ACTR2: variants seen among roughly 807,000 people sequenced by gnomAD.
The protein encoded by ACTR2 is actin-related protein 2.
ACTR2 carries 5 observed loss-of-function variants against 50.2 expected under a neutral mutation model. The ratio of observed to expected loss-of-function variants is 0.10; its 90% CI spans 0.05 to 0.21. The LOEUF (loss-of-function observed/expected upper bound fraction) is 0.21. Ranked by LOEUF, ACTR2 falls within the 10% of genes least tolerant of loss-of-function variation. The pLI is 1.00. For synonymous variants in ACTR2, 140 were observed against 162.9 expected, an observed-to-expected ratio of 0.86 and a Z score of 1.07; for missense variants, 180 against 480.6, an observed-to-expected ratio of 0.37 and a Z score of 5.85.
intron 1 of ACTR2, among the ~76,000 whole-genome samples, chr2:65,237,613 G>C (rs569651678): frequency 6.6e-6 from 1 of 152,292 alleles, no homozygotes; most frequent in South Asian, 2.1e-4. Context: ...CAACTCAGGA[G>C]GCTGAGACAG....
chr2:65,232,267 A>C (rs970431229), intron 1 of ACTR2, among the ~76,000 whole-genome samples: 1 of 152,200 alleles, frequency 6.6e-6, no homozygotes, highest in African/African-American at 2.4e-5. Flanking sequence ...GATCACCAAC[A>C]AAATGAAGGT....
At chr2:65,261,108 C>CA in intron 6 of ACTR2, 139 bp from the exon 7 acceptor site, 1 of 808,642 alleles carries the variant, frequency 1.2e-6, no homozygotes, top group Non-Finnish European at 1.9e-6. Flanking sequence ...TTTTTTTCCC[C>CA]AAATATATTT....
At chr2:65,264,616 C>T (rs1672339583) in intron 7 of ACTR2, among the ~76,000 whole-genome samples, 1 of 151,744 alleles carries the variant, frequency 6.6e-6, no homozygotes, top group African/African-American at 2.4e-5. Context: ...AGCCTCTAAG[C>T]AAAGGAACAA....
At chr2:65,258,263 T>G (rs1672190359) in intron 6 of ACTR2, among the ~76,000 whole-genome samples, 2 of 152,106 alleles carry the variant, frequency 1.3e-5, no homozygotes, top group African/African-American at 4.8e-5. Flanking sequence ...CTCAAAGAAT[T>G]TGAGGTAGGC....
intron 2 of ACTR2, chr2:65,242,198 A>G: frequency 1.5e-6 from 1 of 662,284 alleles, no homozygotes; most frequent in African/African-American, 1.8e-5. Flanking sequence ...TTTGATTTTT[A>G]ACCTTTTTCA....
chr2:65,267,496 A>T (rs1672394912), intron 8 of ACTR2, among the ~76,000 whole-genome samples: 1 of 152,218 alleles, frequency 6.6e-6, no homozygotes, highest in African/African-American at 2.4e-5. Context: ...ACATAGTTAC[A>T]TTGGGTCTTT....
chr2:65,249,270 T>G (rs1671999546), intron 3 of ACTR2, among the ~76,000 whole-genome samples: 1 of 152,226 alleles, frequency 6.6e-6, no homozygotes, highest in Non-Finnish European at 1.5e-5. Flanking sequence ...GAAAATGTTG[T>G]TAGTATTTTT....
chr2:65,248,530 G>A (rs1313792492), intron 3 of ACTR2, among the ~76,000 whole-genome samples: 1 of 152,154 alleles, frequency 6.6e-6, no homozygotes, highest in African/African-American at 2.4e-5. Flanking sequence ...TAGAAGAGTT[G>A]GAGACTTTTT....
At chr2:65,250,434 G>A (rs1672023378) in intron 3 of ACTR2, among the ~76,000 whole-genome samples, 2 of 151,972 alleles carry the variant, frequency 1.3e-5, no homozygotes, top group South Asian at 4.1e-4. Context: ...CAGCACTTTG[G>A]GAGGCCGAGG....
In ACTR2 at chr2:65,228,001, G is replaced by T. The variant is rs1469190285; in HGVS notation, c.48+44G>T. On this transcript the variant is annotated intron_variant, in intron 1 of 8. Coordinates refer to ENST00000260641, the MANE Select transcript of ACTR2 (RefSeq NM_005722.4). ...GGCCTTGGCGGCCACAGACGCCGGC[G>T]GGGACGAGCAGCTGGCGCACGGGCC... 2.0e-6 allele frequency: 3 copies of T among 1,475,186 alleles called. No individual in the cohort carries two copies. In the African/African-American group the frequency reaches 4.4e-5, roughly 22 times the overall value. 91.4% of individuals were successfully genotyped at this position (1,475,186 alleles called of 1,614,324 possible). A position where few individuals can be genotyped will look rare whatever the true frequency, so the allele number is the denominator to read the frequency against.
chr2:65,260,978 G>C (rs935165599), intron 6 of ACTR2, among the ~76,000 whole-genome samples: 2 of 151,938 alleles, frequency 1.3e-5, no homozygotes, highest in African/African-American at 4.8e-5. Context: ...GATCCGCCCA[G>C]CTCAGCCTCC....
chr2:65,229,711 G>A lies in ACTR2; in HGVS notation c.48+1754G>A, dbSNP rs185410495. Among the ~76,000 whole-genome samples, 453 of 132,814 alleles carry A rather than the reference G, an allele frequency of 3.4e-3. 1 individual carries two copies. The highest frequency in any genetic ancestry group is 0.013 in the African/African-American group (438 of 33,842). 87.1% of individuals were successfully genotyped at this position (132,814 alleles called of 152,430 possible). The stretch of plus-strand genomic sequence containing the variant: ...GCGGAGGTTGCAGTGAGCCGAGATC[G>A]CACCACTCCAGCCTGGGCGACAGAG... On this transcript the variant is annotated intron_variant, in intron 1 of 8. Coordinates refer to ENST00000260641, the MANE Select transcript of ACTR2 (RefSeq NM_005722.4).
intron 3 of ACTR2, among the ~76,000 whole-genome samples, chr2:65,247,204 T>C (rs1234514626): frequency 6.6e-6 from 1 of 152,208 alleles, no homozygotes; most frequent in South Asian, 2.1e-4. Flanking sequence ...TAACTTCTAA[T>C]AGCCTACTGT....
intron 8 of ACTR2, 70 bp downstream of exon 8, chr2:65,265,245 C>T: frequency 6.4e-7 from 1 of 1,566,172 alleles, no homozygotes; most frequent in Non-Finnish European, 8.8e-7. Flanking sequence ...TGAATCTTGA[C>T]AACCACCAGA....
At chr2:65,248,289 A>G (rs1671977628) in intron 3 of ACTR2, among the ~76,000 whole-genome samples, 1 of 152,174 alleles carries the variant, frequency 6.6e-6, no homozygotes, top group Non-Finnish European at 1.5e-5. Context: ...AATCCCAGCT[A>G]CTTGGGAGGC....
chr2:65,248,715 C>T (rs1249871454), intron 3 of ACTR2, among the ~76,000 whole-genome samples: 3 of 151,986 alleles, frequency 2.0e-5, no homozygotes, highest in African/African-American at 7.3e-5. Flanking sequence ...TAGGAGGAGC[C>T]AGCAGAAGGA....
At chr2:65,253,130 A>C (rs1672084592) in intron 4 of ACTR2, among the ~76,000 whole-genome samples, 1 of 152,026 alleles carries the variant, frequency 6.6e-6, no homozygotes, top group Admixed American at 6.5e-5. Context: ...AAAAATAAAG[A>C]ATTGTACAGA....
At chr2:65,233,561 C>G (rs1671679086) in intron 1 of ACTR2, among the ~76,000 whole-genome samples, 1 of 151,564 alleles carries the variant, frequency 6.6e-6, no homozygotes, top group African/African-American at 2.4e-5. Context: ...CAGGACTACC[C>G]CATAGGCAGT....
intron 2 of ACTR2, chr2:65,241,835 G>A (rs1407084068): frequency 2.2e-6 from 1 of 452,866 alleles, no homozygotes; most frequent in African/African-American, 2.0e-5. Context: ...AATTTAAATC[G>A]TTTAATGAGT....
Sources: gnomAD v4.1 joint callset for allele counts (sites outside exome capture counted in the v4.1 genomes callset) on GRCh38, gnomAD v4.1.1 for gene constraint, MANE v1.5 for transcripts, NCBI Gene and HGNC (gene_info 2026-07-23, HGNC 2026-07-21) for gene names.